Variants in GRIK1 observed in about 807,000 individuals in gnomAD.
GRIK1 encodes the protein glutamate ionotropic receptor kainate type subunit 1, also known as glutamate receptor ionotropic, kainate 1.
A neutral mutation model predicts 105.7 loss-of-function variants in GRIK1; 69 were observed. That is an observed-to-expected ratio of 0.65 (90% CI 0.54 to 0.80). GRIK1 has a LOEUF of 0.80. GRIK1 is among the 30% of genes least tolerant of loss of function. GRIK1 has a pLI of 0.00. For synonymous variants in GRIK1, 438 were observed against 431.3 expected (o/e 1.02, Z -0.19); for missense variants, 1,109 against 1,167.3 (o/e 0.95, Z 0.73).
chr21:29,601,568 T>A (rs2061520077), intron 7 of GRIK1, among the ~76,000 whole-genome samples: 1 of 152,206 alleles, frequency 6.6e-6, no homozygotes, highest in Admixed American at 6.5e-5. Context: ...CTCTCCAGCC[T>A]CTGTGCTATT....
chr21:29,644,374 A>G (rs1460015377), intron 6 of GRIK1, among the ~76,000 whole-genome samples: 1 of 152,246 alleles, frequency 6.6e-6, no homozygotes, highest in African/African-American at 2.4e-5. Context: ...GGTGACTAAC[A>G]TGGTTCCTGA....
rs367898737 is a variant in GRIK1, at chr21:29,591,250, G to A, written c.1252-25C>T. On this transcript the variant is annotated intron_variant, in intron 9 of 17. Transcript: ENST00000327783. ...TCTACACAGAACACAGTACATCAGA[G>A]GCTGCTGGCTGTCAGTGTGGCATTT... The A allele has an allele frequency of 1.9e-4, 250 of 1,309,278 alleles. No homozygotes were observed. The African/African-American group carries it at 3.0e-3, about 16-fold the overall frequency. The allele number at this position is 1,309,278 out of a possible 1,614,324, so 81.1% of individuals were successfully genotyped here.
intron 6 of GRIK1, among the ~76,000 whole-genome samples, chr21:29,647,945 T>A (rs907586168): frequency 2.6e-5 from 4 of 152,198 alleles, no homozygotes; most frequent in Non-Finnish European, 5.9e-5. Context: ...TAAACTAAAT[T>A]TTTTTCTTTA....
chr21:29,765,675 C>T (rs904194874), intron 1 of GRIK1, among the ~76,000 whole-genome samples: 2 of 152,040 alleles, frequency 1.3e-5, no homozygotes, highest in African/African-American at 4.8e-5. Flanking sequence ...CGAATGGGGA[C>T]TAAGAGGGAG....
intron 1 of GRIK1, among the ~76,000 whole-genome samples, chr21:29,805,960 A>G (rs190971503): frequency 1.3e-5 from 2 of 152,272 alleles, no homozygotes; most frequent in East Asian, 1.9e-4. Flanking sequence ...GTGTTGCCAT[A>G]TAAGAAACCA....
chr21:29,773,676 C>T (rs188131527), intron 1 of GRIK1, among the ~76,000 whole-genome samples: 122 of 152,082 alleles, frequency 8.0e-4, no homozygotes, highest in Admixed American at 1.2e-3. Context: ...ATCTAGAAAA[C>T]GATAAAAATG....
chr21:29,789,599 C>A (rs1016323680), intron 1 of GRIK1, among the ~76,000 whole-genome samples: 1 of 152,186 alleles, frequency 6.6e-6, no homozygotes, highest in Non-Finnish European at 1.5e-5. Context: ...TCATACCTCA[C>A]GGAGTAAGCA....
chr21:29,838,354 G>T (rs150444228), intron 1 of GRIK1, among the ~76,000 whole-genome samples: 1 of 151,888 alleles, frequency 6.6e-6, no homozygotes. Flanking sequence ...CAATGAAGAC[G>T]GATATCACAG....
At chr21:29,862,115 T>A (rs1375233875) in intron 1 of GRIK1, among the ~76,000 whole-genome samples, 1 of 152,164 alleles carries the variant, frequency 6.6e-6, no homozygotes, top group African/African-American at 2.4e-5. Flanking sequence ...GCCTCCCCAG[T>A]AGCTGGGACT....
At chr21:29,697,925 TC>T (rs1161380074) in intron 1 of GRIK1, among the ~76,000 whole-genome samples, 81 of 124,780 alleles carry the variant, frequency 6.5e-4, no homozygotes, top group African/African-American at 2.7e-3. Context: ...TTTCTCTCTC[TC>T]TCTCTTTCTT....
At chr21:29,744,030 CA>C (rs1346475171) in intron 1 of GRIK1, among the ~76,000 whole-genome samples, 1 of 152,214 alleles carries the variant, frequency 6.6e-6, no homozygotes, top group Non-Finnish European at 1.5e-5. Flanking sequence ...ACCCCCATGA[CA>C]CAAGTTTACC....
chr21:29,707,109 C>T (rs1192797422), intron 1 of GRIK1, among the ~76,000 whole-genome samples: 1 of 152,184 alleles, frequency 6.6e-6, no homozygotes, highest in Non-Finnish European at 1.5e-5. Context: ...CGTGATCCGC[C>T]CTCCTCGGCC....
chr21:29,938,190 C>A (rs1181567167), intron 1 of GRIK1, among the ~76,000 whole-genome samples: 1 of 152,178 alleles, frequency 6.6e-6, no homozygotes, highest in Non-Finnish European at 1.5e-5. Context: ...GCTCAGGAAG[C>A]GTCACTATGC....
intron 1 of GRIK1, among the ~76,000 whole-genome samples, chr21:29,875,404 A>C (rs1272511897): frequency 6.6e-6 from 1 of 152,150 alleles, no homozygotes; most frequent in Non-Finnish European, 1.5e-5. Context: ...TCTTGTTTTC[A>C]ATTTCTTTCC....
At chr21:29,813,938 G>A (rs985774415) in intron 1 of GRIK1, among the ~76,000 whole-genome samples, 41 of 145,366 alleles carry the variant, frequency 2.8e-4, no homozygotes, top group Non-Finnish European at 4.8e-4. Flanking sequence ...TTTTGAGATG[G>A]AATTTCACTC....
intron 7 of GRIK1, among the ~76,000 whole-genome samples, chr21:29,619,866 A>G (rs887100304): frequency 1.3e-5 from 2 of 152,138 alleles, no homozygotes; most frequent in African/African-American, 2.4e-5. Context: ...GATCAAACCA[A>G]CTGAGGTCTA....
intron 1 of GRIK1, among the ~76,000 whole-genome samples, chr21:29,769,757 T>C (rs1029913133): frequency 3.9e-5 from 6 of 152,018 alleles, no homozygotes; most frequent in African/African-American, 1.4e-4. Context: ...TTCTAGAAGC[T>C]AGGAGGGAGA....
At chr21:29,825,596 T>C (rs532959681) in intron 1 of GRIK1, among the ~76,000 whole-genome samples, 1 of 152,068 alleles carries the variant, frequency 6.6e-6, no homozygotes, top group Non-Finnish European at 1.5e-5. Context: ...CTACATTTGA[T>C]CATGATGGGC....
At chr21:29,924,501 A>G (rs11911186) in intron 1 of GRIK1, among the ~76,000 whole-genome samples, 2,581 of 152,254 alleles carry the variant, frequency 0.017, 90 homozygotes, top group African/African-American at 0.059. Flanking sequence ...TCTGAAACCC[A>G]ATCACCATGG....
Sources: gnomAD v4.1 joint callset for allele counts (sites outside exome capture counted in the v4.1 genomes callset) on GRCh38, gnomAD v4.1.1 for gene constraint, MANE v1.5 for transcripts, NCBI Gene and HGNC (gene_info 2026-07-23, HGNC 2026-07-21) for gene names.